POU6F2: variants seen among roughly 807,000 people sequenced by gnomAD.
The protein encoded by POU6F2 is POU class 6 homeobox 2, also known as POU domain, class 6, transcription factor 2.
Under a neutral mutation model 71.3 loss-of-function variants are expected in POU6F2, and 31 were observed. The observed-to-expected ratio is 0.43, with a 90% CI of 0.33 to 0.59. POU6F2 has a LOEUF of 0.59. Among genes scored for constraint, POU6F2 ranks in the 20% least tolerant of loss-of-function variants. POU6F2 has a pLI of 0.04. For synonymous variants in POU6F2, 347 were observed against 355.7 expected, an observed-to-expected ratio of 0.98 and a Z score of 0.27; for missense variants, 783 against 856.8, an observed-to-expected ratio of 0.91 and a Z score of 1.07.
chr7:39,208,598 C>G (rs1794072287), intron 4 of POU6F2, among the ~76,000 whole-genome samples: 1 of 152,188 alleles, frequency 6.6e-6, no homozygotes, highest in Non-Finnish European at 1.5e-5. Flanking sequence ...TCACTCTTGA[C>G]CCAAACTTCT....
chr7:39,318,390 G>A (rs1167799205), intron 4 of POU6F2, among the ~76,000 whole-genome samples: 1 of 152,134 alleles, frequency 6.6e-6, no homozygotes. Flanking sequence ...AGCACCCTTG[G>A]TGATCCCTCT....
In POU6F2 at chr7:39,234,353, A is replaced by G. The variant is rs78270013; in HGVS notation, c.598+26733A>G. On this transcript the variant is annotated intron_variant, in intron 4 of 9. Coordinates refer to ENST00000518318, the MANE Select transcript of POU6F2 (RefSeq NM_001370959.1). ...AAGTGACAGTCCCCTACTCTCCCCA[A>G]CCCTGTCCCAGAGAACACGGTAGAC... Among the ~76,000 whole-genome samples, 723 of 152,100 alleles carry G rather than the reference A, an allele frequency of 4.8e-3. 7 individuals carry two copies. The highest frequency in any genetic ancestry group is 0.019 in the South Asian group (91 of 4,800).
At chr7:39,017,210 A>G (rs1789576761) in intron 1 of POU6F2, among the ~76,000 whole-genome samples, 1 of 152,170 alleles carries the variant, frequency 6.6e-6, no homozygotes, top group African/African-American at 2.4e-5. Context: ...ATGATTTTAT[A>G]TCATTTACTT....
chr7:39,328,946 T>G (rs1448957376), intron 4 of POU6F2: 1 of 152,466 alleles, frequency 6.6e-6, no homozygotes, highest in Non-Finnish European at 1.5e-5. Context: ...ACTTAGTTTC[T>G]GTCAATATGT....
intron 5 of POU6F2, among the ~76,000 whole-genome samples, chr7:39,368,757 G>T (rs1487269662): frequency 1.3e-5 from 2 of 152,172 alleles, no homozygotes; most frequent in African/African-American, 4.8e-5. Context: ...TAAAATCCTA[G>T]GGCCCTTAAG....
intron 4 of POU6F2, among the ~76,000 whole-genome samples, chr7:39,273,593 CA>C (rs2128757474): frequency 6.6e-6 from 1 of 152,176 alleles, no homozygotes; most frequent in African/African-American, 2.4e-5. Flanking sequence ...CTAAATATAA[CA>C]TGGTACCCTG....
chr7:39,098,782 T>C (rs1791510020), intron 2 of POU6F2, among the ~76,000 whole-genome samples: 1 of 152,214 alleles, frequency 6.6e-6, no homozygotes, highest in Non-Finnish European at 1.5e-5. Flanking sequence ...TAAAAGCCTA[T>C]AGAGTACCTG....
At chr7:39,291,751 A>G (rs560369333) in intron 4 of POU6F2, among the ~76,000 whole-genome samples, 1 of 152,316 alleles carries the variant, frequency 6.6e-6, no homozygotes, top group African/African-American at 2.4e-5. Context: ...GCCAAGTCCC[A>G]GATAATGAGG....
chr7:39,080,977 A>G (rs752657966), intron 1 of POU6F2, among the ~76,000 whole-genome samples: 25 of 152,212 alleles, frequency 1.6e-4, no homozygotes, highest in Non-Finnish European at 8.8e-5. Flanking sequence ...AAAGCCCAAG[A>G]TGAATTCTCC....
chr7:39,301,373 A>G (rs571356578), intron 4 of POU6F2, among the ~76,000 whole-genome samples: 30 of 152,260 alleles, frequency 2.0e-4, no homozygotes, highest in Admixed American at 7.2e-4. Flanking sequence ...TCCTTTATCA[A>G]TCACATCAGC....
At chr7:39,438,278 A>G (rs1322505153) in intron 7 of POU6F2, among the ~76,000 whole-genome samples, 1 of 152,152 alleles carries the variant, frequency 6.6e-6, no homozygotes, top group Non-Finnish European at 1.5e-5. Flanking sequence ...ACATGAACTC[A>G]TCCTTTTTTG....
intron 1 of POU6F2, among the ~76,000 whole-genome samples, chr7:39,020,375 C>A (rs776146429): frequency 1.3e-5 from 2 of 152,136 alleles, no homozygotes; most frequent in Non-Finnish European, 2.9e-5. Context: ...TGTTCTCAGT[C>A]CACCACTGAT....
Position 39,464,901 on chromosome 7 carries a change from G to A in POU6F2, c.*215G>A, listed in dbSNP as rs1789033886. On this transcript the variant is annotated 3_prime_UTR_variant, in exon 10 of 10. Transcript: ENST00000518318. This position sits in a 1 kb window ranked among gnomAD's most constrained non-coding sequence, Gnocchi z 4.1. ...CAAAAAGGAAAGAAGAAAATTTTTA[G>A]AAAATTTTTAAACAAGGAATACACC... is the stretch of plus-strand genomic sequence containing the variant. 3.0e-6 allele frequency: 2 copies of A among 656,680 alleles called. No homozygotes were observed. Among genetic ancestry groups the A allele is most frequent in the Non-Finnish European group, 2.5e-6 (1 of 406,252 alleles). 40.7% of individuals were successfully genotyped at this position (656,680 alleles called of 1,614,324 possible). A position where few individuals can be genotyped will look rare whatever the true frequency, so the allele number is the denominator to read the frequency against.
Position 39,276,782 on chromosome 7 carries a change from C to T in POU6F2, c.599-62860C>T, listed in dbSNP as rs552945837. 8.1e-4 allele frequency among the ~76,000 whole-genome samples: 123 copies of T among 151,932 alleles called. 1 individual carries two copies. The highest frequency in any genetic ancestry group is 3.6e-3 in the South Asian group (17 of 4,782). ...ATGGATGAAATTGGAAATCATCATTCTCAGTAAACTATCGCAAGGACAAAA... is the reference window on the plus strand; with the variant it reads ...ATGGATGAAATTGGAAATCATCATTTTCAGTAAACTATCGCAAGGACAAAA... On this transcript the variant is annotated intron_variant, in intron 4 of 9. Transcript: ENST00000518318.
intron 4 of POU6F2, among the ~76,000 whole-genome samples, chr7:39,276,205 G>GA (rs886298774): frequency 1.3e-5 from 2 of 150,718 alleles, no homozygotes; most frequent in African/African-American, 4.9e-5. Flanking sequence ...AAATTTACAA[G>GA]AAAAAAACAA....
intron 4 of POU6F2, among the ~76,000 whole-genome samples, chr7:39,285,854 C>T (rs556113302): frequency 6.6e-6 from 1 of 152,328 alleles, no homozygotes; most frequent in Admixed American, 6.5e-5. Context: ...GCCTTCCTCC[C>T]CATCCTCATA....
At chr7:39,298,055 A>C (rs373100985) in intron 4 of POU6F2, among the ~76,000 whole-genome samples, 1 of 152,332 alleles carries the variant, frequency 6.6e-6, no homozygotes, top group East Asian at 1.9e-4. Context: ...CAAAACCATA[A>C]AAACCCTAGA....
At position 39,131,941 on chromosome 7, in the gene POU6F2, G is replaced by A. The variant is rs138203595; in HGVS notation, c.277+45910G>A. The stretch of plus-strand genomic sequence containing the variant: ...ATGTTTTGATGCAGGCACACAATGC[G>A]TAATAATCACATCATGGAAGATGGG... On this transcript the variant is annotated intron_variant, in intron 2 of 9. Transcript: ENST00000518318. Among the ~76,000 whole-genome samples the A allele has an allele frequency of 4.1e-3, 628 of 152,200 alleles. 5 individuals carry two copies. The highest frequency in any genetic ancestry group is 0.014 in the African/African-American group (590 of 41,516).
intron 2 of POU6F2, among the ~76,000 whole-genome samples, chr7:39,192,722 T>C (rs1302860290): frequency 6.6e-6 from 1 of 152,184 alleles, no homozygotes; most frequent in African/African-American, 2.4e-5. Flanking sequence ...GCACATTTTC[T>C]TTCTCCACAT....
Sources: allele counts gnomAD v4.1 joint callset (sites outside exome capture counted in the v4.1 genomes callset), GRCh38; gene constraint gnomAD v4.1.1; non-coding constraint Gnocchi (gnomAD v3.1); transcripts MANE v1.5; gene names NCBI Gene and HGNC (gene_info 2026-07-23, HGNC 2026-07-21).